The following PRKCQ variants were observed in gnomAD, a reference collection of about 807,000 sequenced individuals.
The protein encoded by PRKCQ is protein kinase C theta.
PRKCQ carries 41 observed loss-of-function variants against 91.2 expected under a neutral mutation model. The observed-to-expected ratio is 0.45, with a 90% CI of 0.35 to 0.58. The LOEUF (loss-of-function observed/expected upper bound fraction) is 0.58. PRKCQ is among the 20% of genes least tolerant of loss of function. The pLI is 0.00. For missense variants in PRKCQ, 673 were observed against 896.5 expected, an observed-to-expected ratio of 0.75 and a Z score of 3.18; for synonymous variants, 307 against 316.9, an observed-to-expected ratio of 0.97 and a Z score of 0.33.
intron 1 of PRKCQ, among the ~76,000 whole-genome samples, chr10:6,533,626 T>C (rs554592121): frequency 3.9e-5 from 6 of 152,216 alleles, no homozygotes; most frequent in African/African-American, 1.4e-4. Flanking sequence ...CCAGCCCTAA[T>C]AGGTATTAAA....
intron 1 of PRKCQ, among the ~76,000 whole-genome samples, chr10:6,542,494 T>C (rs868033742): frequency 1.3e-5 from 2 of 152,318 alleles, no homozygotes; most frequent in South Asian, 4.1e-4. Flanking sequence ...ATACTCGTAT[T>C]TTGGCAGAAG....
At chr10:6,446,031 T>C (rs1834270832) in intron 15 of PRKCQ, among the ~76,000 whole-genome samples, 2 of 152,240 alleles carry the variant, frequency 1.3e-5, no homozygotes, top group South Asian at 4.1e-4. Context: ...ATTTCAGTTT[T>C]ACCTTAGGAG....
chr10:6,417,997 C>G, the PRKCQ span, among the ~76,000 whole-genome samples: 1 of 152,208 alleles, frequency 6.6e-6, no homozygotes, highest in Non-Finnish European at 1.5e-5. Flanking sequence ...CCCAGAGGCG[C>G]GCCTTCTTCC....
intron 2 of PRKCQ, among the ~76,000 whole-genome samples, chr10:6,512,817 G>T (rs1838549495): frequency 6.6e-6 from 1 of 152,008 alleles, no homozygotes; most frequent in Admixed American, 6.6e-5. Flanking sequence ...GGCTAGGAAA[G>T]ACATAAACCA....
At chr10:6,439,277 T>A (rs185172460) in intron 16 of PRKCQ, among the ~76,000 whole-genome samples, 194 of 152,238 alleles carry the variant, frequency 1.3e-3, no homozygotes, top group Non-Finnish European at 2.3e-3. Flanking sequence ...TGAATTCCGT[T>A]TTGATGGTGA....
In PRKCQ at chr10:6,519,378, C is replaced by A. The variant is rs562553935; in HGVS notation, c.-9-4234G>T. Among the ~76,000 whole-genome samples the A allele has an allele frequency of 3.3e-5, 5 of 152,274 alleles. No homozygotes were observed. In the South Asian group the frequency reaches 1.0e-3, roughly 32 times the overall value. ...GCCCCTTCATCAGCTAAGATGGATT[C>A]TAAGGTTAAAGAAACAAAAGTTACC... On this transcript the variant is annotated intron_variant, in intron 1 of 17. Transcript: ENST00000263125.
At chr10:6,507,534 G>A in intron 3 of PRKCQ, 38 bp from the exon 4 acceptor site, 1 of 1,571,362 alleles carries the variant, frequency 6.4e-7, no homozygotes, top group Non-Finnish European at 8.8e-7. Context: ...GTCAGAATGT[G>A]AAACAAGCCC....
At chr10:6,449,333 G>A (rs542434683) in intron 15 of PRKCQ, among the ~76,000 whole-genome samples, 265 of 152,156 alleles carry the variant, frequency 1.7e-3, no homozygotes, top group African/African-American at 6.1e-3. Flanking sequence ...AAGAGTATCA[G>A]TGATGGAAGA....
At chr10:6,396,570 T>G in the PRKCQ span, among the ~76,000 whole-genome samples, 1 of 152,276 alleles carries the variant, frequency 6.6e-6, no homozygotes, top group Non-Finnish European at 1.5e-5. Flanking sequence ...TCCAGTTAGC[T>G]TAATGTTCTT....
chr10:6,423,931 C>T (rs77101802), downstream of PRKCQ, among the ~76,000 whole-genome samples: 62 of 152,224 alleles, frequency 4.1e-4, no homozygotes, highest in East Asian at 0.012. Flanking sequence ...CGTGCTCACC[C>T]ACATCCTATT....
intron 8 of PRKCQ, among the ~76,000 whole-genome samples, chr10:6,489,718 G>A (rs1252410615): frequency 2.6e-5 from 4 of 151,884 alleles, no homozygotes; most frequent in African/African-American, 7.3e-5. Context: ...AGGGGAGGGA[G>A]AGGAGAGGGG....
chr10:6,406,639 C>A, the PRKCQ span, among the ~76,000 whole-genome samples: 1 of 152,140 alleles, frequency 6.6e-6, no homozygotes, highest in East Asian at 1.9e-4. Context: ...TTTATAGACA[C>A]AAAACAGTTC....
At chr10:6,460,476 T>TC (rs753150400) in intron 14 of PRKCQ, among the ~76,000 whole-genome samples, 52 of 144,072 alleles carry the variant, frequency 3.6e-4, no homozygotes, top group Admixed American at 7.6e-4. Flanking sequence ...TATTCCTACT[T>TC]CCCCTTTTTT....
At chr10:6,470,276 C>T (rs1835888334) in intron 12 of PRKCQ, among the ~76,000 whole-genome samples, 1 of 150,090 alleles carries the variant, frequency 6.7e-6, no homozygotes, top group South Asian at 2.1e-4. Context: ...AAGGGATCCT[C>T]CCTATCACCT....
intron 1 of PRKCQ, among the ~76,000 whole-genome samples, chr10:6,555,838 C>G (rs901510661): frequency 6.6e-6 from 1 of 151,928 alleles, no homozygotes; most frequent in African/African-American, 2.4e-5. Context: ...GGCAAAACCA[C>G]GTCTCTACTA....
chr10:6,436,567 A>C (rs1004334155), intron 16 of PRKCQ, among the ~76,000 whole-genome samples: 1 of 151,886 alleles, frequency 6.6e-6, no homozygotes, highest in Non-Finnish European at 1.5e-5. Flanking sequence ...AGTCACGCCC[A>C]CCCTCCTGTC....
intron 1 of PRKCQ, 41 bp from the exon 2 acceptor site, chr10:6,515,185 A>G: frequency 1.2e-6 from 2 of 1,609,278 alleles, no homozygotes; most frequent in South Asian, 2.2e-5. Flanking sequence ...GGGGGCTATA[A>G]AAGATATTAT....
At chr10:6,447,763 G>A (rs562718012) in intron 15 of PRKCQ, among the ~76,000 whole-genome samples, 11 of 152,252 alleles carry the variant, frequency 7.2e-5, no homozygotes, top group East Asian at 5.8e-4. Flanking sequence ...TCACCTAGTC[G>A]GCCTTCCCCA....
chr10:6,569,840 C>T (rs1292639924), intron 1 of PRKCQ, among the ~76,000 whole-genome samples: 4 of 152,074 alleles, frequency 2.6e-5, no homozygotes, highest in African/African-American at 9.7e-5. Flanking sequence ...GAAGGTGGTG[C>T]ATCCAGTTTG....
Sources: gnomAD v4.1 joint callset for allele counts (sites outside exome capture counted in the v4.1 genomes callset) on GRCh38, gnomAD v4.1.1 for gene constraint, MANE v1.5 for transcripts, NCBI Gene and HGNC (gene_info 2026-07-23, HGNC 2026-07-21) for gene names.